The following KCNT1 variants were observed in gnomAD, a reference collection of about 807,000 sequenced individuals.
The protein encoded by KCNT1 is potassium sodium-activated channel subfamily T member 1.
Under a neutral mutation model 147.8 loss-of-function variants are expected in KCNT1, and 78 were observed. That is an observed-to-expected ratio of 0.53 (90% CI 0.44 to 0.64). The LOEUF (loss-of-function observed/expected upper bound fraction) is 0.64. KCNT1 is among the 30% of genes least tolerant of loss of function. The pLI, the probability that KCNT1 is intolerant of heterozygous loss-of-function variation, is 0.00. For synonymous variants in KCNT1, 867 were observed against 748.8 expected, an observed-to-expected ratio of 1.16 and a Z score of -2.58; for missense variants, 1,419 against 1,750.3, an observed-to-expected ratio of 0.81 and a Z score of 3.38.
rs191874773 is a variant in KCNT1 at position 135,714,921 on chromosome 9, G to A, written c.254+201G>A. Among the ~76,000 whole-genome samples the A allele has an allele frequency of 3.9e-5, 6 of 152,352 alleles. No homozygotes were observed. The highest frequency in any genetic ancestry group is 3.9e-4 in the Admixed American group (6 of 15,312). ...GCATCTTCTCGGGAGGGGGTCTCCG[G>A]AGGAGGGCGCGGGATGCTCGGAGCT... On this transcript the variant is annotated intron_variant, in intron 2 of 30. Coordinates refer to ENST00000371757, the MANE Select transcript of KCNT1 (RefSeq NM_020822.3). The surrounding 1 kb of genome is among the most constrained non-coding windows in gnomAD (Gnocchi z 6.2).
chr9:135,710,747 A>G (rs1412747755), intron 1 of KCNT1, among the ~76,000 whole-genome samples: 1 of 152,212 alleles, frequency 6.6e-6, no homozygotes, highest in East Asian at 1.9e-4. Flanking sequence ...TCTTGCACGT[A>G]TAGTCTTCAG....
At chr9:135,734,092 G>C (rs1439885785) in intron 2 of KCNT1, among the ~76,000 whole-genome samples, 1 of 152,210 alleles carries the variant, frequency 6.6e-6, no homozygotes, top group South Asian at 2.1e-4. Context: ...CCTCTCTGCA[G>C]GGCTCTTGGA....
At chr9:135,756,008 A>G (rs1262878109) in intron 6 of KCNT1, among the ~76,000 whole-genome samples, 1 of 141,130 alleles carries the variant, frequency 7.1e-6, no homozygotes, top group Non-Finnish European at 1.5e-5. Flanking sequence ...AGGGTCAGTA[A>G]ATGCTGAGGA....
At chr9:135,726,463 A>C (rs1836145682) in intron 2 of KCNT1, among the ~76,000 whole-genome samples, 1 of 152,030 alleles carries the variant, frequency 6.6e-6, no homozygotes, top group South Asian at 2.1e-4. Context: ...CCAGGGCCGC[A>C]TCTTTACCCC....
Position 135,752,125 on chromosome 9 carries a change from G to A in KCNT1, c.434+1084G>A. 3.1e-6 allele frequency: 1 copy of A among 325,750 alleles called. No homozygotes were observed. The allele number at this position is 325,750 out of a possible 1,614,324, so 20.2% of individuals were successfully genotyped here. On this transcript the variant is annotated intron_variant, in intron 4 of 30. Transcript: ENST00000371757. This position sits in a 1 kb window ranked among gnomAD's most constrained non-coding sequence, Gnocchi z 5.1. ...TGAGGGGCTCTGCAGCCACGTGTGT[G>A]GTGTGGTTGTCACCATCCAGCCATC... is the stretch of plus-strand genomic sequence containing the variant.
chr9:135,785,592 C>T (rs1465938403), intron 28 of KCNT1: 9 of 610,076 alleles, frequency 1.5e-5, no homozygotes, highest in Middle Eastern at 4.3e-4. Flanking sequence ...TGCACCCCCG[C>T]CCCCTCCCAG....
intron 2 of KCNT1, among the ~76,000 whole-genome samples, chr9:135,743,255 C>T (rs973097590): frequency 5.9e-5 from 9 of 152,122 alleles, no homozygotes; most frequent in African/African-American, 2.2e-4. Flanking sequence ...GGGGCTCTGC[C>T]GGTGGTGCTT....
chr9:135,757,047 A>G (rs987915835), intron 7 of KCNT1, 109 bp from the exon 8 acceptor site: 1 of 926,180 alleles, frequency 1.1e-6, no homozygotes, highest in Non-Finnish European at 1.6e-6. Flanking sequence ...AGCCTCATCC[A>G]CTGACCTCCA....
At position 135,786,402 on chromosome 9, in the gene KCNT1, C is replaced by T. The variant is rs143704418; in HGVS notation, c.3383C>T (p.Ala1128Val). ...GCGCCCAAGCAGGCAGGCCGGGCGG[C>T]GGCCGCGGAGTGGATCAGCCAGCAG... Reference protein sequence around the residue: ...RKAPKQAGRAAAAEWISQQRL... With the variant: ...RKAPKQAGRAVAAEWISQQRL... The change falls in exon 29 of 31, where the codon GCG (alanine) becomes GTG (valine). Residue 1128 changes from alanine to valine, a missense_variant. Transcript: ENST00000371757. The T allele has an allele frequency of 2.5e-3, 3,948 of 1,574,056 alleles. 15 individuals are homozygous for T. Among genetic ancestry groups the T allele is most frequent in the Non-Finnish European group, 3.2e-3 (3,745 of 1,160,512 alleles).
At chr9:135,783,963 G>A (rs1174637192) in intron 24 of KCNT1, 61 bp from the exon 25 acceptor site, 8 of 1,320,842 alleles carry the variant, frequency 6.1e-6, no homozygotes, top group Non-Finnish European at 6.5e-6. Flanking sequence ...CGACCCCGTG[G>A]CTGCCGTGCC....
In KCNT1 at chr9:135,777,333, C is replaced by T. The variant is rs965133345; in HGVS notation, c.2350-5C>T. 2.0e-5 allele frequency: 33 copies of T among 1,612,494 alleles called. No homozygotes were observed. Among genetic ancestry groups the T allele is most frequent in the Middle Eastern group, 1.7e-4 (1 of 6,056 alleles). ...TCCAGCCCTGACTCCAGCATCTGCC[C>T]CCAGGGCTGCAAGCACAACAGCTAT... On this transcript the variant is annotated splice_polypyrimidine_tract_variant and splice_region_variant and intron_variant, in intron 20 of 30. Transcript: ENST00000371757.
rs151236914 is a variant in KCNT1 at position 135,767,480 on chromosome 9, C to T, written c.1338-1130C>T. Among the ~76,000 whole-genome samples, 209 of 152,224 alleles carry T rather than the reference C, an allele frequency of 1.4e-3. 3 individuals are homozygous for T. Among genetic ancestry groups the T allele is most frequent in the Non-Finnish European group, 2.4e-3 (160 of 67,986 alleles). On this transcript the variant is annotated intron_variant, in intron 13 of 30. Transcript: ENST00000371757. Reference sequence around the variant, plus strand: ...CTGGGCTTTCAGGAGACCCAGGAGGCGCTGGAAGTGACCACCCAGGTTCCC... The same window carrying T: ...CTGGGCTTTCAGGAGACCCAGGAGGTGCTGGAAGTGACCACCCAGGTTCCC...
intron 11 of KCNT1, among the ~76,000 whole-genome samples, chr9:135,761,136 G>A (rs897512604): frequency 2.9e-4 from 44 of 152,258 alleles, no homozygotes; most frequent in African/African-American, 1.0e-3. Flanking sequence ...AGAAATAGCT[G>A]GGATTACAGG....
At chr9:135,764,634 GC>G (rs1004501243) in intron 11 of KCNT1, among the ~76,000 whole-genome samples, 2 of 152,114 alleles carry the variant, frequency 1.3e-5, no homozygotes, top group African/African-American at 4.8e-5. Flanking sequence ...CAAACCACCT[GC>G]CCCCCAGACA....
chr9:135,774,809 G>A (rs575967679), intron 19 of KCNT1, among the ~76,000 whole-genome samples: 2 of 152,240 alleles, frequency 1.3e-5, no homozygotes, highest in East Asian at 1.9e-4. Flanking sequence ...CCATGGGGGG[G>A]TCCTGGGCTG....
intron 9 of KCNT1, among the ~76,000 whole-genome samples, chr9:135,758,189 T>C (rs994071582): frequency 4.1e-5 from 6 of 146,372 alleles, no homozygotes; most frequent in Non-Finnish European, 7.6e-5. Flanking sequence ...AGGTGCAGGC[T>C]GCCCCGTGGG....
intron 11 of KCNT1, among the ~76,000 whole-genome samples, chr9:135,760,420 A>C (rs1277764414): frequency 6.6e-6 from 1 of 152,184 alleles, no homozygotes; most frequent in African/African-American, 2.4e-5. Flanking sequence ...CAGGCACCCC[A>C]GCCCACCCTG....
chr9:135,752,636 T>TGGAC lies in KCNT1; in HGVS notation c.435-1289_435-1286dup, dbSNP rs904907114. ...GGATGGATGGTGGATGATGGATGGA[T>TGGAC]GGACGGACGGACGGATGGACGGATG... On this transcript the variant is annotated intron_variant, in intron 4 of 30. Transcript: ENST00000371757. This position sits in a 1 kb window ranked among gnomAD's most constrained non-coding sequence, Gnocchi z 5.1. Among the ~76,000 whole-genome samples the TGGAC allele has an allele frequency of 1.3e-5, 2 of 151,120 alleles. No homozygotes were observed. Among genetic ancestry groups the TGGAC allele is most frequent in the Non-Finnish European group, 3.0e-5 (2 of 67,764 alleles).
chr9:135,736,822 A>G (rs1830361092), intron 2 of KCNT1: 5 of 360,372 alleles, frequency 1.4e-5, no homozygotes, highest in Non-Finnish European at 2.5e-5. Context: ...CCGCTTGTCA[A>G]ATCGCGCTTG....
Sources: allele counts gnomAD v4.1 joint callset (sites outside exome capture counted in the v4.1 genomes callset), GRCh38; gene constraint gnomAD v4.1.1; non-coding constraint Gnocchi (gnomAD v3.1); transcripts MANE v1.5; gene names NCBI Gene and HGNC (gene_info 2026-07-23, HGNC 2026-07-21).